Variants in DNAJC5 observed in about 807,000 individuals in gnomAD.
DNAJC5 encodes the protein DnaJ heat shock protein family (Hsp40) member C5.
A neutral mutation model predicts 23.2 loss-of-function variants in DNAJC5; 1 was observed. The observed-to-expected ratio is 0.04, with a 90% CI of 0.02 to 0.20. The LOEUF is 0.20. Among genes scored for constraint, DNAJC5 ranks in the 10% least tolerant of loss-of-function variants. DNAJC5 has a pLI of 1.00. For synonymous variants in DNAJC5, 136 were observed against 120.0 expected (o/e 1.13, Z -0.87); for missense variants, 180 against 267.0 (o/e 0.67, Z 2.27).
intron 1 of DNAJC5, among the ~76,000 whole-genome samples, chr20:63,927,925 A>AT (rs1488098635): frequency 2.0e-5 from 3 of 151,972 alleles, no homozygotes; most frequent in Non-Finnish European, 4.4e-5. Flanking sequence ...ATGCATGTTT[A>AT]TTTTAATTAA....
chr20:63,896,982 AC>A (rs1226609552), intron 1 of DNAJC5, among the ~76,000 whole-genome samples: 1 of 152,104 alleles, frequency 6.6e-6, no homozygotes, highest in African/African-American at 2.4e-5. Context: ...ACCATCTCTC[AC>A]CTGCCCAATG....
In DNAJC5 at chr20:63,931,373, G is replaced by C; in HGVS notation, c.494-92G>C. On this transcript the variant is annotated intron_variant, in intron 4 of 4. Transcript: ENST00000360864. The surrounding 1 kb of genome is among the most constrained non-coding windows in gnomAD (Gnocchi z 9.6). ...AGTAGCCTCTCCCGGTGGAGAGTTT[G>C]TCCAGGTGCCCGAAAGTCGCTCCAC... 8.2e-7 allele frequency: 1 copy of C among 1,220,074 alleles called. No homozygotes were observed. Among genetic ancestry groups the C allele is most frequent in the Non-Finnish European group, 1.2e-6 (1 of 860,302 alleles). 75.6% of individuals were successfully genotyped at this position (1,220,074 alleles called of 1,614,324 possible). A position where few individuals can be genotyped will look rare whatever the true frequency, so the allele number is the denominator to read the frequency against.
chr20:63,906,839 C>T (rs1290248643), intron 1 of DNAJC5, among the ~76,000 whole-genome samples: 2 of 151,868 alleles, frequency 1.3e-5, no homozygotes, highest in Non-Finnish European at 1.5e-5. Context: ...TGCCATCGCT[C>T]GCACCTGTAA....
Position 63,931,523 on chromosome 20 carries a change from C to T in DNAJC5, c.552C>T (p.Leu184=), listed in dbSNP as rs2053670915. 6.3e-7 allele frequency: 1 copy of T among 1,584,046 alleles called. No individual in the cohort carries two copies. Among genetic ancestry groups the T allele is most frequent in the Non-Finnish European group, 8.6e-7 (1 of 1,169,456 alleles). ...CATCCGCCACCGAGACCACCCAGCT[C>T]ACAGCCGACTCCCACCCCAGCTACC... The part of the protein sequence containing the change: ...QPASATETTQ[L]TADSHPSYHT... Residue 184 remains leucine (L), a synonymous_variant, in exon 5 of 5, where the codon CTC becomes CTT. Coordinates refer to ENST00000360864, the MANE Select transcript of DNAJC5 (RefSeq NM_025219.3). This position sits in a 1 kb window ranked among gnomAD's most constrained non-coding sequence, Gnocchi z 9.6.
intron 1 of DNAJC5, among the ~76,000 whole-genome samples, chr20:63,911,761 C>A (rs964645608): frequency 1.3e-5 from 2 of 151,834 alleles, no homozygotes; most frequent in Admixed American, 1.3e-4. Flanking sequence ...GCAGCCTTGA[C>A]CTCCTGGGCT....
chr20:63,906,652 G>C, intron 1 of DNAJC5, among the ~76,000 whole-genome samples: 1 of 151,644 alleles, frequency 6.6e-6, no homozygotes, highest in East Asian at 1.9e-4. Flanking sequence ...TGTGATGGTG[G>C]GCGCCTGTAT....
At position 63,931,487 on chromosome 20, in the gene DNAJC5, C is replaced by T. The variant is rs2146309323; in HGVS notation, c.516C>T (p.Val172=). ...CAGAGGCCACAGACACGCCGATCGT[C>T]ATACAGCCGGCATCCGCCACCGAGA... ...DEREATDTPI[V]IQPASATETT... is the part of the protein sequence containing the mutation. Residue 172 remains valine (V), a synonymous_variant, in exon 5 of 5, where the codon GTC becomes GTT. Coordinates refer to ENST00000360864, the MANE Select transcript of DNAJC5 (RefSeq NM_025219.3). The surrounding 1 kb of genome is among the most constrained non-coding windows in gnomAD (Gnocchi z 9.6). The T allele has an allele frequency of 2.5e-6, 4 of 1,572,458 alleles. No individual in the cohort carries two copies. Among genetic ancestry groups the T allele is most frequent in the Non-Finnish European group, 3.4e-6 (4 of 1,164,952 alleles).
chr20:63,921,697 A>C (rs184851916), intron 1 of DNAJC5, among the ~76,000 whole-genome samples: 2 of 152,090 alleles, frequency 1.3e-5, no homozygotes, highest in African/African-American at 4.8e-5. Flanking sequence ...AGGTTGCAGC[A>C]CGTGCTGCTC....
At position 63,928,787 on chromosome 20, in the gene DNAJC5, G is replaced by A. The variant is rs769056121; in HGVS notation, c.107+335G>A. Among the ~76,000 whole-genome samples the A allele has an allele frequency of 6.6e-6, 1 of 152,172 alleles. No homozygotes were observed. Among genetic ancestry groups the A allele is most frequent in the Non-Finnish European group, 1.5e-5 (1 of 68,034 alleles). ...CCTGTGGTCTCCTTGTTTTAGCACA[G>A]TGATGACAGAGACCCCTCACTCTGT... On this transcript the variant is annotated intron_variant, in intron 2 of 4. Coordinates refer to ENST00000360864, the MANE Select transcript of DNAJC5 (RefSeq NM_025219.3). The surrounding 1 kb of genome is among the most constrained non-coding windows in gnomAD (Gnocchi z 4.6).
chr20:63,915,775 G>T (rs1347554712), intron 1 of DNAJC5, among the ~76,000 whole-genome samples: 1 of 152,220 alleles, frequency 6.6e-6, no homozygotes, highest in Non-Finnish European at 1.5e-5. Context: ...CCACTCTTAG[G>T]TATACACCAG....
At position 63,930,976 on chromosome 20, in the gene DNAJC5, C is replaced by T. The variant is rs780478210; in HGVS notation, c.447C>T (p.Tyr149=). 65 of 1,614,000 alleles carry T rather than the reference C, an allele frequency of 4.0e-5. No homozygotes were observed. Among genetic ancestry groups the T allele is most frequent in the Middle Eastern group, 1.6e-4 (1 of 6,084 alleles). Residue 149 remains tyrosine (Y), a synonymous_variant, in exon 4 of 5, where the codon TAC becomes TAT. Transcript: ENST00000360864. ...CTGAAGGCGAGGAGACGGAGTTCTA[C>T]GTGTCCCCCGAGGATCTGGAGGCAC... ...KAPEGEETEF[Y]VSPEDLEAQL...
chr20:63,925,198 A>T (rs1486710150), intron 1 of DNAJC5, among the ~76,000 whole-genome samples: 1 of 152,070 alleles, frequency 6.6e-6, no homozygotes, highest in African/African-American at 2.4e-5. Flanking sequence ...AAAACCAATT[A>T]TAAGAGGCCG....
intron 1 of DNAJC5, chr20:63,919,412 C>T (rs367900023): frequency 4.1e-6 from 2 of 491,708 alleles, no homozygotes; most frequent in African/African-American, 2.0e-5. Context: ...GTGCCCAGGG[C>T]CCAGGACAGC....
chr20:63,932,629 C>T lies in DNAJC5; in HGVS notation c.*1061C>T, dbSNP rs1473477564. ...GTGTTTGCCAGAGCTCCCATCTGCCCCACTCGCCTTTGCCCCGTCATCGAT... is the reference window on the plus strand; with the variant it reads ...GTGTTTGCCAGAGCTCCCATCTGCCTCACTCGCCTTTGCCCCGTCATCGAT... On this transcript the variant is annotated 3_prime_UTR_variant, in exon 5 of 5. Coordinates refer to ENST00000360864, the MANE Select transcript of DNAJC5 (RefSeq NM_025219.3). The surrounding 1 kb of genome is among the most constrained non-coding windows in gnomAD (Gnocchi z 4.4). The T allele has an allele frequency of 1.3e-5, 2 of 152,540 alleles. No homozygotes were observed. The highest frequency in any genetic ancestry group is 2.9e-5 in the Non-Finnish European group (2 of 68,124). The allele number at this position is 152,540 out of a possible 1,614,324, so 9.4% of individuals were successfully genotyped here. A position where few individuals can be genotyped will look rare whatever the true frequency, so the allele number is the denominator to read the frequency against.
At position 63,902,696 on chromosome 20, in the gene DNAJC5, GAC is replaced by G. The variant is rs1315190140; in HGVS notation, c.-12+7375_-12+7376del. Among the ~76,000 whole-genome samples, 3 of 96,728 alleles carry G rather than the reference GAC, an allele frequency of 3.1e-5. No individual in the cohort carries two copies. In the East Asian group the frequency reaches 7.7e-4, roughly 25 times the overall value. The allele number at this position is 96,728 out of a possible 152,430, so 63.5% of individuals were successfully genotyped here. A position where few individuals can be genotyped will look rare whatever the true frequency, so the allele number is the denominator to read the frequency against. ...TCTTGTTTTTTTTTTTTTTTTTTGA[GAC>G]AGAGTCTTGCTCTGTCGCCCAGGCT... On this transcript the variant is annotated intron_variant, in intron 1 of 4. Transcript: ENST00000360864.
In DNAJC5 at chr20:63,928,148, G is replaced by T. The variant is rs2053630958; in HGVS notation, c.-11-187G>T. On this transcript the variant is annotated intron_variant, in intron 1 of 4. Coordinates refer to ENST00000360864, the MANE Select transcript of DNAJC5 (RefSeq NM_025219.3). This position sits in a 1 kb window ranked among gnomAD's most constrained non-coding sequence, Gnocchi z 4.6. ...CAGCTGCAGTTCTTCAGGATCTCTTGGGGTGGCCGTATTCTGCCGTCTCAC... is the reference window on the plus strand; with the variant it reads ...CAGCTGCAGTTCTTCAGGATCTCTTTGGGTGGCCGTATTCTGCCGTCTCAC... Among the ~76,000 whole-genome samples the T allele has an allele frequency of 6.6e-6, 1 of 152,108 alleles. No homozygotes were observed. The highest frequency in any genetic ancestry group is 6.6e-5 in the Admixed American group (1 of 15,266).
chr20:63,912,391 T>G (rs1435647140), intron 1 of DNAJC5, among the ~76,000 whole-genome samples: 1 of 152,192 alleles, frequency 6.6e-6, no homozygotes, highest in African/African-American at 2.4e-5. Context: ...TGACTCTTGT[T>G]TATAATTTCT....
intron 1 of DNAJC5, among the ~76,000 whole-genome samples, chr20:63,896,033 A>G (rs1226841521): frequency 6.6e-6 from 1 of 152,216 alleles, no homozygotes; most frequent in Non-Finnish European, 1.5e-5. Flanking sequence ...TGTGTCATAC[A>G]GGAAAAGGAA....
chr20:63,917,170 G>A (rs1032603530), intron 1 of DNAJC5, among the ~76,000 whole-genome samples: 12 of 152,322 alleles, frequency 7.9e-5, no homozygotes, highest in Admixed American at 2.0e-4. Context: ...CACAATTTAT[G>A]TTCCTTTGCC....
Sources: allele counts gnomAD v4.1 joint callset (sites outside exome capture counted in the v4.1 genomes callset), GRCh38; gene constraint gnomAD v4.1.1; non-coding constraint Gnocchi (gnomAD v3.1); transcripts MANE v1.5; gene names NCBI Gene and HGNC (gene_info 2026-07-23, HGNC 2026-07-21).